The following CUX1 variants were observed in gnomAD, a reference collection of about 807,000 sequenced individuals.
The protein encoded by CUX1 is cut like homeobox 1.
In CUX1, 31 loss-of-function variants were observed where a neutral mutation model predicts 158.8. The observed-to-expected ratio is 0.20, with a 90% CI of 0.15 to 0.26. CUX1 has a LOEUF of 0.26. Ranked by LOEUF, CUX1 falls within the 10% of genes least tolerant of loss-of-function variation. The pLI is 1.00. For synonymous variants in CUX1, 879 were observed against 862.1 expected (o/e 1.02, Z -0.34); for missense variants, 1,589 against 2,014.6 (o/e 0.79, Z 4.04).
intron 2 of CUX1, among the ~76,000 whole-genome samples, chr7:102,011,712 G>A (rs1042279857): frequency 2.6e-5 from 4 of 152,092 alleles, no homozygotes; most frequent in Non-Finnish European, 4.4e-5. Flanking sequence ...CCCTGTGGGT[G>A]GGAGAACTAC....
intron 19 of CUX1, 117 bp downstream of exon 19, chr7:102,204,673 C>G (rs184867801): frequency 7.5e-7 from 1 of 1,328,532 alleles, no homozygotes; most frequent in Admixed American, 2.3e-5. Flanking sequence ...AGGAGGTGGC[C>G]AACCACACTC....
At chr7:102,000,974 C>T (rs759312623) in intron 2 of CUX1, among the ~76,000 whole-genome samples, 5 of 152,100 alleles carry the variant, frequency 3.3e-5, no homozygotes, top group Admixed American at 1.3e-4. Context: ...GGTGGGGTAT[C>T]GCTTTGTTGC....
chr7:102,093,450 G>A (rs952100603), intron 4 of CUX1, among the ~76,000 whole-genome samples: 4 of 152,142 alleles, frequency 2.6e-5, no homozygotes, highest in African/African-American at 9.7e-5. Context: ...GCCTCCCAAA[G>A]TGCTGAGATT....
chr7:102,115,850 G>A (rs782147098), intron 8 of CUX1, among the ~76,000 whole-genome samples: 3 of 152,104 alleles, frequency 2.0e-5, no homozygotes, highest in Non-Finnish European at 4.4e-5. Context: ...CACCAGCAAG[G>A]AAGAAATAAT....
intron 1 of CUX1, among the ~76,000 whole-genome samples, chr7:101,823,404 C>T (rs1184044102): frequency 6.6e-6 from 1 of 152,172 alleles, no homozygotes; most frequent in East Asian, 1.9e-4. Flanking sequence ...TCATGAAAAC[C>T]TTTGTGAAAA....
Position 102,248,709 on chromosome 7 carries a change from C to G in CUX1, c.4185C>G (p.Pro1395=). Residue 1395 remains proline (P), a synonymous_variant, in exon 24 of 24, where the codon CCC becomes CCG. Coordinates refer to ENST00000292535, the MANE Select transcript of CUX1 (RefSeq NM_181552.4). The surrounding 1 kb of genome is among the most constrained non-coding windows in gnomAD (Gnocchi z 5.8). ...DARDDDHEGG[P]VEGPGPLPSP... ...GCGACGACGACCACGAGGGAGGCCC[C>G]GTGGAAGGCCCGGGGCCCCTGCCCA... 1.6e-6 allele frequency: 2 copies of G among 1,223,746 alleles called. No homozygotes were observed. Among genetic ancestry groups the G allele is most frequent in the Non-Finnish European group, 2.0e-6 (2 of 977,808 alleles). 75.8% of individuals were successfully genotyped at this position (1,223,746 alleles called of 1,614,324 possible).
chr7:102,097,010 G>A lies in CUX1; in HGVS notation c.269-354G>A, dbSNP rs574241112. 3.3e-5 allele frequency among the ~76,000 whole-genome samples: 5 copies of A among 152,328 alleles called. No individual in the cohort carries two copies. The South Asian group carries it at 8.3e-4, about 25-fold the overall frequency. ...TCCGTCCTCCACGTGCAGCTCCGGG[G>A]ATGTGATTGACCTCCTGGGGCTGCT... On this transcript the variant is annotated intron_variant, in intron 4 of 23. Transcript: ENST00000292535.
intron 1 of CUX1, among the ~76,000 whole-genome samples, chr7:101,861,487 G>A (rs1310754307): frequency 2.0e-5 from 3 of 152,156 alleles, no homozygotes; most frequent in East Asian, 1.9e-4. Context: ...CTGCCTGCCC[G>A]GCATGCACTG....
intron 18 of CUX1, among the ~76,000 whole-genome samples, chr7:102,278,386 T>G (rs1221568591): frequency 2.0e-5 from 3 of 151,838 alleles, no homozygotes; most frequent in African/African-American, 7.3e-5. Context: ...GCTCAGAAGT[T>G]CGAGACCAGC....
rs534230105 is a variant in CUX1 at position 102,183,316 on chromosome 7, A to G, written c.1017+4659A>G. Among the ~76,000 whole-genome samples the G allele has an allele frequency of 3.4e-3, 501 of 146,374 alleles. 4 individuals are homozygous for G. The highest frequency in any genetic ancestry group is 0.012 in the African/African-American group (473 of 39,816). ...GGCGTGAGCCATCGCGCCCGGCCCC[A>G]TCTCTTAATTTTTTTTTTTTTAATG... On this transcript the variant is annotated intron_variant, in intron 11 of 23. Transcript: ENST00000292535.
rs10655613 is a variant in CUX1 at position 102,034,145 on chromosome 7, C to CAAAAAAAAAAAAAA, written c.189+6009_189+6022dup. ...CAGGTGACAGAGCGAGACTCCATCT[C>CAAAAAAAAAAAAAA]AAAAAAAAAAAAAAAAAAAAAAGTC... On this transcript the variant is annotated intron_variant, in intron 3 of 23. Coordinates refer to ENST00000292535, the MANE Select transcript of CUX1 (RefSeq NM_181552.4). Among the ~76,000 whole-genome samples, 7 of 48,608 alleles carry CAAAAAAAAAAAAAA rather than the reference C, an allele frequency of 1.4e-4. 1 individual carries two copies. Among genetic ancestry groups the CAAAAAAAAAAAAAA allele is most frequent in the African/African-American group, 1.9e-4 (2 of 10,782 alleles). The allele number at this position is 48,608 out of a possible 152,430, so 31.9% of individuals were successfully genotyped here.
chr7:102,268,577 C>T (rs578220261), intron 14 of CUX1, among the ~76,000 whole-genome samples: 9 of 152,176 alleles, frequency 5.9e-5, no homozygotes, highest in South Asian at 2.1e-4. Flanking sequence ...GTCCACCACC[C>T]CTGATTTTCT....
Position 102,252,329 on chromosome 7 carries a change from C to T in CUX1, c.*3287C>T, listed in dbSNP as rs374139827. On this transcript the variant is annotated 3_prime_UTR_variant, in exon 24 of 24. Coordinates refer to ENST00000292535, the MANE Select transcript of CUX1 (RefSeq NM_181552.4). ...TCAAGTGCCTTGAACAGTGTCCCCT[C>T]GGCATGGCTCCCCTTCAGCAGGCTG... 1.3e-5 allele frequency: 13 copies of T among 985,340 alleles called. No individual in the cohort carries two copies. The highest frequency in any genetic ancestry group is 1.4e-5 in the Non-Finnish European group (12 of 829,972). 61.0% of individuals were successfully genotyped at this position (985,340 alleles called of 1,614,324 possible).
In CUX1 at chr7:102,255,455, T is replaced by C. The variant is rs1418260421; in HGVS notation, c.*6413T>C. 6 of 985,130 alleles carry C rather than the reference T, an allele frequency of 6.1e-6. No homozygotes were observed. Among genetic ancestry groups the C allele is most frequent in the African/African-American group, 1.7e-5 (1 of 57,176 alleles). 61.0% of individuals were successfully genotyped at this position (985,130 alleles called of 1,614,324 possible). A position where few individuals can be genotyped will look rare whatever the true frequency, so the allele number is the denominator to read the frequency against. On this transcript the variant is annotated 3_prime_UTR_variant, in exon 24 of 24. Coordinates refer to ENST00000292535, the MANE Select transcript of CUX1 (RefSeq NM_181552.4). ...ATTTGGCTATGCATAAATGTGCACTTCCCCCATGCCCCCGTTCTTAAACTC... is the reference window on the plus strand; with the variant it reads ...ATTTGGCTATGCATAAATGTGCACTCCCCCCATGCCCCCGTTCTTAAACTC...
intron 2 of CUX1, among the ~76,000 whole-genome samples, chr7:101,992,821 G>GT (rs1373005188): frequency 7.3e-5 from 11 of 151,356 alleles, no homozygotes; most frequent in Non-Finnish European, 1.3e-4. Flanking sequence ...ATTATTTGGA[G>GT]TTTTTTTATT....
intron 1 of CUX1, among the ~76,000 whole-genome samples, chr7:101,846,901 G>A (rs1795762705): frequency 6.6e-6 from 1 of 152,102 alleles, no homozygotes; most frequent in Admixed American, 6.6e-5. Context: ...GGAATCCAAA[G>A]TGAGACGATA....
chr7:102,109,702 C>T (rs992975996), intron 6 of CUX1, among the ~76,000 whole-genome samples: 4 of 151,280 alleles, frequency 2.6e-5, no homozygotes, highest in African/African-American at 7.3e-5. Flanking sequence ...GAGAATTGCT[C>T]GAACCCTGGA....
At chr7:102,078,267 G>A (rs1345227026) in intron 4 of CUX1, among the ~76,000 whole-genome samples, 2 of 152,002 alleles carry the variant, frequency 1.3e-5, no homozygotes, top group African/African-American at 4.8e-5. Context: ...GTAGAGATGG[G>A]GTCTTGCCAT....
intron 2 of CUX1, among the ~76,000 whole-genome samples, chr7:101,958,198 C>G (rs6465839): frequency 0.25 from 37,505 of 152,002 alleles, 5,900 homozygotes; most frequent in African/African-American, 0.44. Flanking sequence ...GAACCTCCAA[C>G]CCAAAGGTGG....
Sources: allele counts gnomAD v4.1 joint callset (sites outside exome capture counted in the v4.1 genomes callset), GRCh38; gene constraint gnomAD v4.1.1; non-coding constraint Gnocchi (gnomAD v3.1); transcripts MANE v1.5; gene names NCBI Gene and HGNC (gene_info 2026-07-23, HGNC 2026-07-21).